TSPAN15: variants seen among roughly 807,000 people sequenced by gnomAD.
TSPAN15 encodes the protein tetraspanin 15.
TSPAN15 carries 20 observed loss-of-function variants against 34.5 expected under a neutral mutation model. That is an observed-to-expected ratio of 0.58 (90% CI 0.41 to 0.84). The LOEUF (loss-of-function observed/expected upper bound fraction) is 0.84, where lower values mean the gene tolerates loss of function less well. TSPAN15 is among the 40% of genes least tolerant of loss of function. The probability of loss-of-function intolerance (pLI) is 0.00; values close to 1 mark genes in which losing one functional copy is unlikely to be tolerated. For missense variants in TSPAN15, 313 were observed against 386.1 expected, an observed-to-expected ratio of 0.81 and a Z score of 1.59; for synonymous variants, 155 against 153.9, an observed-to-expected ratio of 1.01 and a Z score of -0.05.
chr10:69,463,290 T>A (rs1034243125), intron 1 of TSPAN15, among the ~76,000 whole-genome samples: 1 of 152,212 alleles, frequency 6.6e-6, no homozygotes, highest in African/African-American at 2.4e-5. Context: ...GAAAGCTGGC[T>A]GTGATCTCCA....
intron 1 of TSPAN15, among the ~76,000 whole-genome samples, chr10:69,457,237 C>A (rs1841131569): frequency 6.6e-6 from 1 of 152,308 alleles, no homozygotes; most frequent in South Asian, 2.1e-4. Flanking sequence ...GCCCCTGGGG[C>A]CTGTGCACAC....
intron 3 of TSPAN15, among the ~76,000 whole-genome samples, chr10:69,491,259 A>C (rs960345447): frequency 6.6e-6 from 1 of 152,128 alleles, no homozygotes; most frequent in Non-Finnish European, 1.5e-5. Flanking sequence ...GTCCGGGGGC[A>C]ATGAGGGTAA....
intron 1 of TSPAN15, among the ~76,000 whole-genome samples, chr10:69,456,697 C>T (rs910849118): frequency 6.6e-6 from 1 of 152,154 alleles, no homozygotes; most frequent in African/African-American, 2.4e-5. Context: ...GGTAGGTTGG[C>T]AAGTGCTTGA....
the TSPAN15 span, chr10:69,523,515 G>T: frequency 4.8e-5 from 23 of 480,694 alleles, 1 homozygote; most frequent in Non-Finnish European, 8.7e-5. Context: ...AGTGGTACTT[G>T]TTGGCCTTGT....
At chr10:69,549,390 T>C in the TSPAN15 span, among the ~76,000 whole-genome samples, 1 of 152,216 alleles carries the variant, frequency 6.6e-6, no homozygotes, top group Admixed American at 6.5e-5. Context: ...TTCCCTATGG[T>C]ATATAAACCC....
chr10:69,519,030 C>T, the TSPAN15 span, among the ~76,000 whole-genome samples: 10 of 152,216 alleles, frequency 6.6e-5, no homozygotes, highest in South Asian at 4.1e-4. Flanking sequence ...TATGCTTCTG[C>T]GTGGAATAGT....
At chr10:69,534,525 G>A in the TSPAN15 span, among the ~76,000 whole-genome samples, 3 of 152,108 alleles carry the variant, frequency 2.0e-5, no homozygotes, top group Non-Finnish European at 4.4e-5. Flanking sequence ...TATCGGTGGT[G>A]ATAGTATTAG....
At position 69,455,632 on chromosome 10, in the gene TSPAN15, C is replaced by CA. The variant is rs1332781322; in HGVS notation, c.96+3942_96+3943insA. ...TCTCTCTCTCTCTCTCTCTCCCCCC[C>CA]CCGTCTCTTTCTTTCTTCCTTTCTT... On this transcript the variant is annotated intron_variant, in intron 1 of 7. Transcript: ENST00000373290. 7.3e-5 allele frequency among the ~76,000 whole-genome samples: 10 copies of CA among 136,470 alleles called. No individual in the cohort carries two copies. In the Admixed American group the frequency reaches 7.4e-4, roughly 10 times the overall value. The allele number at this position is 136,470 out of a possible 152,430, so 89.5% of individuals were successfully genotyped here.
intron 3 of TSPAN15, among the ~76,000 whole-genome samples, chr10:69,490,086 G>C (rs551631750): frequency 6.6e-6 from 1 of 152,318 alleles, no homozygotes; most frequent in Non-Finnish European, 1.5e-5. Flanking sequence ...CACCAGGGTA[G>C]GATCAGTGGG....
At chr10:69,462,045 A>G (rs1841273502) in intron 1 of TSPAN15, among the ~76,000 whole-genome samples, 2 of 151,480 alleles carry the variant, frequency 1.3e-5, no homozygotes, top group Non-Finnish European at 1.5e-5. Flanking sequence ...AAGTGGTCCA[A>G]TCATGGCTCA....
the TSPAN15 span, among the ~76,000 whole-genome samples, chr10:69,515,112 TCTC>T: frequency 6.6e-6 from 1 of 152,192 alleles, no homozygotes; most frequent in Non-Finnish European, 1.5e-5. Flanking sequence ...TTGATCATTC[TCTC>T]CTCCTTGAAA....
chr10:69,478,483 G>A (rs1352155065), intron 1 of TSPAN15, among the ~76,000 whole-genome samples: 1 of 152,088 alleles, frequency 6.6e-6, no homozygotes, highest in African/African-American at 2.4e-5. Context: ...GCGGGCTCTG[G>A]CAGGGGGCTC....
chr10:69,474,771 C>T (rs1236131790), intron 1 of TSPAN15, among the ~76,000 whole-genome samples: 11 of 152,182 alleles, frequency 7.2e-5, no homozygotes. Flanking sequence ...ATTCCAGTCT[C>T]CTTTCCCCAT....
At chr10:69,469,935 G>T (rs746408208) in intron 1 of TSPAN15, among the ~76,000 whole-genome samples, 2 of 152,182 alleles carry the variant, frequency 1.3e-5, no homozygotes, top group African/African-American at 2.4e-5. Context: ...ACGACACCCA[G>T]CTGGTCTCTC....
chr10:69,483,647 A>T, intron 1 of TSPAN15, 44 bp from the exon 2 acceptor site: 1 of 1,581,542 alleles, frequency 6.3e-7, no homozygotes, highest in East Asian at 2.2e-5. Context: ...GTAGAAAATC[A>T]AGTGACCTCA....
chr10:69,516,381 T>G, the TSPAN15 span, among the ~76,000 whole-genome samples: 1 of 152,114 alleles, frequency 6.6e-6, no homozygotes. Flanking sequence ...GCTGCCTCCT[T>G]CCCCCACCAA....
chr10:69,470,628 G>T (rs533202801), intron 1 of TSPAN15, among the ~76,000 whole-genome samples: 1 of 152,246 alleles, frequency 6.6e-6, no homozygotes, highest in East Asian at 1.9e-4. Flanking sequence ...AGCCAGGCAT[G>T]GTGGCAAGTG....
rs751193254 is a variant in TSPAN15, at chr10:69,498,332, A to G, written c.506A>G (p.His169Arg). 1 of 1,613,786 alleles carries G rather than the reference A, an allele frequency of 6.2e-7. No individual in the cohort carries two copies. Residue 169 changes from histidine to arginine, a missense_variant, in exon 5 of 8, where the codon CAC (histidine) becomes CGC (arginine). By Grantham distance (29) the His-to-Arg change is conservative. Coordinates refer to ENST00000373290, the MANE Select transcript of TSPAN15 (RefSeq NM_012339.5). ...CGAGATTGGAGCAAGAATCAGTACC[A>G]CGACTGCAGTGCCCCTGGACCCCTG... Reference protein sequence around the residue: ...DYRDWSKNQYHDCSAPGPLAC... With the variant: ...DYRDWSKNQYRDCSAPGPLAC...
intron 5 of TSPAN15, among the ~76,000 whole-genome samples, chr10:69,502,814 G>A (rs1263377119): frequency 1.3e-5 from 2 of 152,060 alleles, no homozygotes; most frequent in Non-Finnish European, 1.5e-5. Context: ...CTCATCCCCC[G>A]AGGTCACCAG....
Sources: gnomAD v4.1 joint callset for allele counts (sites outside exome capture counted in the v4.1 genomes callset) on GRCh38, gnomAD v4.1.1 for gene constraint, MANE v1.5 for transcripts, NCBI Gene and HGNC (gene_info 2026-07-23, HGNC 2026-07-21) for gene names.